Variants in IL1RAPL2 observed in about 807,000 individuals in gnomAD.
IL1RAPL2 encodes X-linked interleukin-1 receptor accessory protein-like 2.
Under a neutral mutation model 44.1 loss-of-function variants are expected in IL1RAPL2, and 3 were observed. That is an observed-to-expected ratio of 0.07 (90% CI 0.03 to 0.18). The LOEUF (loss-of-function observed/expected upper bound fraction) is 0.18, where lower values mean the gene tolerates loss of function less well. IL1RAPL2 is among the 10% of genes least tolerant of loss of function. IL1RAPL2 has a pLI of 1.00. For missense variants in IL1RAPL2, 391 were observed against 496.4 expected, an observed-to-expected ratio of 0.79 and a Z score of 2.02; for synonymous variants, 181 against 178.8, an observed-to-expected ratio of 1.01 and a Z score of -0.10.
At chrX:104,701,635 C>T (rs1194089825) in intron 2 of IL1RAPL2, among the ~76,000 whole-genome samples, 1 of 111,774 alleles carries the variant, frequency 8.9e-6, no homozygotes, top group Non-Finnish European at 1.9e-5. Context: ...ATGATGGATG[C>T]TAAATCTTCC....
intron 2 of IL1RAPL2, among the ~76,000 whole-genome samples, chrX:104,800,882 T>C (rs1035956573): frequency 7.2e-5 from 8 of 110,714 alleles, no homozygotes; most frequent in Non-Finnish European, 1.3e-4. Flanking sequence ...GCTGCTGTAG[T>C]GGGGGCAATC....
intron 2 of IL1RAPL2, among the ~76,000 whole-genome samples, chrX:104,787,647 T>C (rs1198721226): frequency 9.0e-6 from 1 of 111,554 alleles, no homozygotes; most frequent in African/African-American, 3.3e-5. Context: ...CATGTGGGAA[T>C]GACTGGGTAC....
intron 2 of IL1RAPL2, among the ~76,000 whole-genome samples, chrX:104,702,991 T>C (rs1931303215): frequency 9.0e-6 from 1 of 111,309 alleles, no homozygotes; most frequent in South Asian, 3.8e-4. Context: ...AGGTATTTAA[T>C]AGAGAAGCAT....
At chrX:105,587,492 A>G (rs1033742367) in intron 6 of IL1RAPL2, among the ~76,000 whole-genome samples, 1 of 110,668 alleles carries the variant, frequency 9.0e-6, no homozygotes, top group East Asian at 2.8e-4. Flanking sequence ...ACTTTCTTCA[A>G]TTTTTAATAG....
chrX:104,879,365 TA>T (rs753494292), intron 2 of IL1RAPL2, among the ~76,000 whole-genome samples: 452 of 31,038 alleles, frequency 0.015, 28 homozygotes, highest in East Asian at 0.059. Context: ...GCAAAACTAG[TA>T]AAAAAAAAAA....
chrX:104,834,175 C>A (rs1217736156), intron 2 of IL1RAPL2, among the ~76,000 whole-genome samples: 1 of 111,755 alleles, frequency 8.9e-6, no homozygotes, highest in Non-Finnish European at 1.9e-5. Context: ...TGTTCTGATT[C>A]TATCTTGGTG....
chrX:105,663,908 A>G (rs1038822897), intron 6 of IL1RAPL2, among the ~76,000 whole-genome samples: 32 of 112,419 alleles, frequency 2.8e-4, no homozygotes, highest in Non-Finnish European at 3.7e-5. Flanking sequence ...TGCAGTTACC[A>G]AAAATGTTGC....
chrX:105,345,580 A>G (rs1214439447), intron 5 of IL1RAPL2, among the ~76,000 whole-genome samples: 2 of 110,672 alleles, frequency 1.8e-5, no homozygotes, highest in African/African-American at 6.6e-5. Context: ...CATTTCAGAG[A>G]CTCAATAGCC....
intron 2 of IL1RAPL2, among the ~76,000 whole-genome samples, chrX:104,865,733 C>T (rs1411124629): frequency 8.9e-6 from 1 of 112,690 alleles, no homozygotes; most frequent in African/African-American, 3.2e-5. Flanking sequence ...CCTCAAACAT[C>T]AAACTCCAAG....
intron 6 of IL1RAPL2, among the ~76,000 whole-genome samples, chrX:105,576,151 C>A (rs148459285): frequency 0.015 from 1,625 of 111,322 alleles, 19 homozygotes; most frequent in Non-Finnish European, 0.024. Context: ...TTTTGCTGGG[C>A]AGAAGCTCTT....
At chrX:105,682,246 T>C (rs1033673684) in intron 6 of IL1RAPL2, among the ~76,000 whole-genome samples, 2 of 111,822 alleles carry the variant, frequency 1.8e-5, no homozygotes, top group African/African-American at 6.5e-5. Flanking sequence ...TCTTGAGATA[T>C]ATAAGTCTGA....
intron 6 of IL1RAPL2, among the ~76,000 whole-genome samples, chrX:105,622,122 C>T (rs1423093717): frequency 9.1e-6 from 1 of 109,584 alleles, no homozygotes; most frequent in Non-Finnish European, 1.9e-5. Context: ...AAGTCACCTG[C>T]CTTTTTAATC....
intron 1 of IL1RAPL2, among the ~76,000 whole-genome samples, chrX:104,628,284 C>A (rs939334021): frequency 7.2e-5 from 8 of 110,817 alleles, no homozygotes; most frequent in Admixed American, 3.9e-4. Flanking sequence ...TATTATAACT[C>A]ATTTTTTCAT....
At chrX:105,131,715 G>T (rs928896377) in intron 2 of IL1RAPL2, among the ~76,000 whole-genome samples, 2 of 110,810 alleles carry the variant, frequency 1.8e-5, no homozygotes, top group Non-Finnish European at 3.8e-5. Flanking sequence ...GCTATTCAAA[G>T]TTCACTGGTA....
chrX:105,577,333 G>A (rs1000025763), intron 6 of IL1RAPL2, among the ~76,000 whole-genome samples: 9 of 111,083 alleles, frequency 8.1e-5, no homozygotes, highest in East Asian at 2.8e-4. Context: ...TAAAAGGATT[G>A]AACCAGATAA....
rs745489417 is a variant in IL1RAPL2 at position 104,755,708 on chromosome X, G to A, written c.82+96713G>A. On this transcript the variant is annotated intron_variant, in intron 2 of 10. Coordinates refer to ENST00000372582, the MANE Select transcript of IL1RAPL2 (RefSeq NM_017416.2). ...GTTTTCAAATGTTTGAAAAAGGCAC[G>A]GTCTGAAAAATAATATTGGTCCCCC... Among the ~76,000 whole-genome samples, 62 of 110,097 alleles carry A rather than the reference G, an allele frequency of 5.6e-4. No individual in the cohort carries two copies. In the Middle Eastern group the frequency reaches 0.014, roughly 25 times the overall value.
intron 6 of IL1RAPL2, among the ~76,000 whole-genome samples, chrX:105,697,570 G>A (rs1468594594): frequency 9.1e-6 from 1 of 110,327 alleles, no homozygotes; most frequent in African/African-American, 3.3e-5. Flanking sequence ...TAGCGGACAT[G>A]GTAGCTTAAA....
At chrX:105,636,607 A>G (rs774931372) in intron 6 of IL1RAPL2, among the ~76,000 whole-genome samples, 1 of 111,520 alleles carries the variant, frequency 9.0e-6, no homozygotes, top group Non-Finnish European at 1.9e-5. Context: ...AAAGTCAGCT[A>G]TATGCCAGGT....
intron 6 of IL1RAPL2, among the ~76,000 whole-genome samples, chrX:105,633,301 A>G (rs1194690599): frequency 1.8e-5 from 2 of 111,866 alleles, no homozygotes; most frequent in Admixed American, 1.9e-4. Flanking sequence ...ATAATTCCAT[A>G]AGTTCTTACT....
Sources: gnomAD v4.1 joint callset for allele counts (sites outside exome capture counted in the v4.1 genomes callset) on GRCh38, gnomAD v4.1.1 for gene constraint, MANE v1.5 for transcripts, NCBI Gene and HGNC (gene_info 2026-07-23, HGNC 2026-07-21) for gene names.